Variants in MLLT3 observed in about 807,000 individuals in gnomAD.
MLLT3 encodes protein AF-9.
MLLT3 carries 4 observed loss-of-function variants against 53.2 expected under a neutral mutation model. The ratio of observed to expected loss-of-function variants is 0.08; its 90% CI spans 0.04 to 0.17. The LOEUF (loss-of-function observed/expected upper bound fraction) is 0.17. Ranked by LOEUF, MLLT3 falls within the 10% of genes least tolerant of loss-of-function variation. The pLI is 1.00. For missense variants in MLLT3, 569 were observed against 684.0 expected (o/e 0.83, Z 1.87); for synonymous variants, 283 against 230.6 (o/e 1.23, Z -2.06).
rs138169603 is a variant in MLLT3, at chr9:20,391,057, C to G, written c.1125+22664G>C. On this transcript the variant is annotated intron_variant, in intron 5 of 10. Transcript: ENST00000380338. ...TCAATTAATTTTATATATTTCTACACCCATGTTACTGCCACCAGATCAAGA... is the reference window on the plus strand; with the variant it reads ...TCAATTAATTTTATATATTTCTACAGCCATGTTACTGCCACCAGATCAAGA... 8.3e-3 allele frequency among the ~76,000 whole-genome samples: 1,261 copies of G among 152,296 alleles called. 17 individuals are homozygous for G. The highest frequency in any genetic ancestry group is 0.029 in the African/African-American group (1,185 of 41,558).
chr9:20,399,282 CAATT>C (rs955014930), intron 5 of MLLT3, among the ~76,000 whole-genome samples: 27 of 152,078 alleles, frequency 1.8e-4, no homozygotes, highest in African/African-American at 5.8e-4. Flanking sequence ...AGACATGCAT[CAATT>C]ACTTAAGAGG....
chr9:20,622,035 G>T (rs1172378860), intron 1 of MLLT3: 4 of 788,578 alleles, frequency 5.1e-6, no homozygotes, highest in Non-Finnish European at 6.1e-6. Flanking sequence ...GTGTGTGAGT[G>T]TGTGTGTGTC....
chr9:20,518,460 T>C (rs1817972515), intron 2 of MLLT3, among the ~76,000 whole-genome samples: 1 of 152,010 alleles, frequency 6.6e-6, no homozygotes, highest in Admixed American at 6.6e-5. Flanking sequence ...AACATTACAG[T>C]GGTAACTGCT....
chr9:20,505,949 T>C (rs1408305304), intron 2 of MLLT3, among the ~76,000 whole-genome samples: 4 of 152,228 alleles, frequency 2.6e-5, no homozygotes, highest in African/African-American at 9.6e-5. Flanking sequence ...ATGGTCCAAC[T>C]TTACATTCCC....
chr9:20,383,208 T>C (rs745612291), intron 5 of MLLT3, among the ~76,000 whole-genome samples: 1 of 151,886 alleles, frequency 6.6e-6, no homozygotes, highest in Non-Finnish European at 1.5e-5. Flanking sequence ...TTAAGATGTG[T>C]TGGTGAGGAG....
At chr9:20,548,965 T>A (rs1818857504) in intron 2 of MLLT3, among the ~76,000 whole-genome samples, 2 of 151,834 alleles carry the variant, frequency 1.3e-5, no homozygotes, top group African/African-American at 4.8e-5. Context: ...CAGCCATGCA[T>A]CTCCATACCC....
rs1301872898 is a variant in MLLT3, at chr9:20,346,141, T to C, written c.*302A>G. 1.5e-5 allele frequency: 5 copies of C among 329,176 alleles called. No individual in the cohort carries two copies. Among genetic ancestry groups the C allele is most frequent in the Non-Finnish European group, 2.2e-5 (4 of 177,978 alleles). 20.4% of individuals were successfully genotyped at this position (329,176 alleles called of 1,614,324 possible). A position where few individuals can be genotyped will look rare whatever the true frequency, so the allele number is the denominator to read the frequency against. On this transcript the variant is annotated 3_prime_UTR_variant, in exon 11 of 11. Coordinates refer to ENST00000380338, the MANE Select transcript of MLLT3 (RefSeq NM_004529.4). ...TACCATACACATTCTTTGAGTTTTC[T>C]TGTGTTGTGTTTGATTTGTTTGTTT...
intron 5 of MLLT3, among the ~76,000 whole-genome samples, chr9:20,381,746 T>A (rs1319952779): frequency 6.6e-6 from 1 of 151,928 alleles, no homozygotes; most frequent in Non-Finnish European, 1.5e-5. Flanking sequence ...AGTTAAATCT[T>A]GCAGTGTTTA....
chr9:20,617,445 T>C (rs1820858909), intron 2 of MLLT3, among the ~76,000 whole-genome samples: 1 of 152,104 alleles, frequency 6.6e-6, no homozygotes, highest in Non-Finnish European at 1.5e-5. Flanking sequence ...TTCCATAAAA[T>C]AATAAGCAAC....
At chr9:20,355,095 TAAAAAAA>T (rs531598773) in intron 8 of MLLT3, among the ~76,000 whole-genome samples, 1 of 64,164 alleles carries the variant, frequency 1.6e-5, no homozygotes, top group Non-Finnish European at 3.4e-5. Flanking sequence ...AAAGTAGAAC[TAAAAAAA>T]AAAAAAAAAA....
Position 20,343,214 on chromosome 9 carries a change from A to AAAAAAAAAAAAAAAAAAAAAAAATTT in MLLT3, c.*3228_*3229insAAATTTTTTTTTTTTTTTTTTTTTTT, listed in dbSNP as rs56934102. On this transcript the variant is annotated 3_prime_UTR_variant, in exon 11 of 11. Coordinates refer to ENST00000380338, the MANE Select transcript of MLLT3 (RefSeq NM_004529.4). ...AAAAAAAAAAAAAAAAAAAAAAAAA[A>AAAAAAAAAAAAAAAAAAAAAAAATTT]TTTTGAAGAAACTTTTTAGTGGAAG... 5 of 115,072 alleles carry AAAAAAAAAAAAAAAAAAAAAAAATTT rather than the reference A, an allele frequency of 4.3e-5. No homozygotes were observed. Among genetic ancestry groups the AAAAAAAAAAAAAAAAAAAAAAAATTT allele is most frequent in the African/African-American group, 3.3e-4 (5 of 14,954 alleles). 7.1% of individuals were successfully genotyped at this position (115,072 alleles called of 1,614,324 possible). A position where few individuals can be genotyped will look rare whatever the true frequency, so the allele number is the denominator to read the frequency against.
At chr9:20,565,594 T>C (rs1012095957) in intron 2 of MLLT3, among the ~76,000 whole-genome samples, 1 of 152,068 alleles carries the variant, frequency 6.6e-6, no homozygotes, top group Non-Finnish European at 1.5e-5. Flanking sequence ...TACAGTTATC[T>C]ATACCATGAG....
chr9:20,365,985 G>T (rs948410555), intron 5 of MLLT3, among the ~76,000 whole-genome samples: 1 of 152,118 alleles, frequency 6.6e-6, no homozygotes, highest in Admixed American at 6.5e-5. Context: ...TGAGAAAAGG[G>T]CCTGGCTTTG....
chr9:20,587,469 A>T (rs903980569), intron 2 of MLLT3, among the ~76,000 whole-genome samples: 2 of 152,136 alleles, frequency 1.3e-5, no homozygotes, highest in Non-Finnish European at 2.9e-5. Context: ...TCCCACCTCC[A>T]AGACAAGAGA....
chr9:20,499,637 G>C (rs1471267958), intron 2 of MLLT3, among the ~76,000 whole-genome samples: 1 of 152,218 alleles, frequency 6.6e-6, no homozygotes, highest in Non-Finnish European at 1.5e-5. Flanking sequence ...CCCCAAAATA[G>C]ATGCATTCCT....
Position 20,448,075 on chromosome 9 carries a change from G to A in MLLT3, c.420+48C>T. On this transcript the variant is annotated intron_variant, in intron 4 of 10. Coordinates refer to ENST00000380338, the MANE Select transcript of MLLT3 (RefSeq NM_004529.4). The surrounding 1 kb of genome is among the most constrained non-coding windows in gnomAD (Gnocchi z 4.0). The stretch of plus-strand genomic sequence containing the variant: ...TAGTTTGTTTGTTTTTTTTTTTGTT[G>A]TTGTTGTTTTTTAATAGGAATGCTT... 6.6e-7 allele frequency: 1 copy of A among 1,523,610 alleles called. No homozygotes were observed. Among genetic ancestry groups the A allele is most frequent in the African/African-American group, 1.4e-5 (1 of 70,618 alleles). 94.4% of individuals were successfully genotyped at this position (1,523,610 alleles called of 1,614,324 possible). A position where few individuals can be genotyped will look rare whatever the true frequency, so the allele number is the denominator to read the frequency against.
Position 20,620,235 on chromosome 9 carries a change from C to G in MLLT3, c.193+419G>C, listed in dbSNP as rs1209418552. Among the ~76,000 whole-genome samples, 2 of 144,588 alleles carry G rather than the reference C, an allele frequency of 1.4e-5. No homozygotes were observed. Among genetic ancestry groups the G allele is most frequent in the African/African-American group, 5.3e-5 (2 of 38,090 alleles). The allele number at this position is 144,588 out of a possible 152,430, so 94.9% of individuals were successfully genotyped here. A position where few individuals can be genotyped will look rare whatever the true frequency, so the allele number is the denominator to read the frequency against. Reference sequence around the variant, plus strand: ...TTCTTTGCTAATAACACAGGTAAATCTTAATTTCTCTAGGAAAACACACAC... The same window carrying G: ...TTCTTTGCTAATAACACAGGTAAATGTTAATTTCTCTAGGAAAACACACAC... On this transcript the variant is annotated intron_variant, in intron 2 of 10. Coordinates refer to ENST00000380338, the MANE Select transcript of MLLT3 (RefSeq NM_004529.4). The surrounding 1 kb of genome is among the most constrained non-coding windows in gnomAD (Gnocchi z 6.1).
intron 5 of MLLT3, among the ~76,000 whole-genome samples, chr9:20,370,303 A>G (rs1374716217): frequency 6.6e-6 from 1 of 152,098 alleles, no homozygotes; most frequent in African/African-American, 2.4e-5. Context: ...TACTATTGTA[A>G]TTGCTTTGGG....
At chr9:20,491,892 T>C (rs1454900606) in intron 2 of MLLT3, among the ~76,000 whole-genome samples, 1 of 152,104 alleles carries the variant, frequency 6.6e-6, no homozygotes, top group Non-Finnish European at 1.5e-5. Flanking sequence ...CACTGAGGAA[T>C]AGCATGATAT....
Sources: allele counts gnomAD v4.1 joint callset (sites outside exome capture counted in the v4.1 genomes callset), GRCh38; gene constraint gnomAD v4.1.1; non-coding constraint Gnocchi (gnomAD v3.1); transcripts MANE v1.5; gene names NCBI Gene and HGNC (gene_info 2026-07-23, HGNC 2026-07-21).